The following MIOS variants were observed in gnomAD, a reference collection of about 807,000 sequenced individuals.
The protein encoded by MIOS is meiosis regulator for oocyte development.
A neutral mutation model predicts 96.9 loss-of-function variants in MIOS; 52 were observed. That is an observed-to-expected ratio of 0.54 (90% CI 0.43 to 0.68). MIOS has a LOEUF of 0.68. Ranked by LOEUF, MIOS falls within the 30% of genes least tolerant of loss-of-function variation. The pLI is 0.00. For missense variants in MIOS, 1,005 were observed against 1,052.8 expected (o/e 0.95, Z 0.63); for synonymous variants, 397 against 359.5 (o/e 1.10, Z -1.18).
chr7:7,600,609 A>T (rs1198629277), intron 11 of MIOS, among the ~76,000 whole-genome samples: 2 of 152,146 alleles, frequency 1.3e-5, no homozygotes, highest in Non-Finnish European at 2.9e-5. Flanking sequence ...CTCCCACACA[A>T]TAATAATGGG....
chr7:7,573,512 C>T lies in MIOS; in HGVS notation c.1037C>T (p.Thr346Ile), dbSNP rs777625963. The T allele has an allele frequency of 5.0e-6, 8 of 1,614,008 alleles. No homozygotes were observed. The highest frequency in any genetic ancestry group is 6.8e-6 in the Non-Finnish European group (8 of 1,179,960). Reference sequence around the variant, plus strand: ...ATGATAGTTGTAACTCCCAACCGAACAATGTCAGACTTCACTGTTTTTGAA... The same window carrying T: ...ATGATAGTTGTAACTCCCAACCGAATAATGTCAGACTTCACTGTTTTTGAA... ...NRMIVVTPNRTMSDFTVFERI... is the reference protein window; with the variant it reads ...NRMIVVTPNRIMSDFTVFERI... Residue 346 changes from threonine to isoleucine, a missense_variant, in exon 4 of 13, where the codon ACA becomes ATA. Coordinates refer to ENST00000340080, the MANE Select transcript of MIOS (RefSeq NM_019005.4). The surrounding 1 kb of genome is among the most constrained non-coding windows in gnomAD (Gnocchi z 5.0).
chr7:7,578,185 G>C (rs1368654431), intron 5 of MIOS, among the ~76,000 whole-genome samples: 1 of 152,108 alleles, frequency 6.6e-6, no homozygotes, highest in Non-Finnish European at 1.5e-5. Context: ...GGAACTGAGA[G>C]GCTAGTTTAT....
intron 3 of MIOS, among the ~76,000 whole-genome samples, chr7:7,570,405 A>G (rs1157166601): frequency 6.6e-6 from 1 of 152,084 alleles, no homozygotes; most frequent in East Asian, 1.9e-4. Flanking sequence ...GAATTCCTAA[A>G]TCAGTGGTCC....
chr7:7,596,890 A>G (rs1332681685), intron 11 of MIOS, among the ~76,000 whole-genome samples: 1 of 152,130 alleles, frequency 6.6e-6, no homozygotes, highest in Non-Finnish European at 1.5e-5. Context: ...TTCAAAACCT[A>G]CCTATAAAAT....
Position 7,573,975 on chromosome 7 carries a change from T to C in MIOS, c.1295-123T>C. 1.1e-6 allele frequency: 1 copy of C among 902,648 alleles called. No homozygotes were observed. Among genetic ancestry groups the C allele is most frequent in the Admixed American group, 2.9e-5 (1 of 34,298 alleles). The allele number at this position is 902,648 out of a possible 1,614,324, so 55.9% of individuals were successfully genotyped here. A position where few individuals can be genotyped will look rare whatever the true frequency, so the allele number is the denominator to read the frequency against. On this transcript the variant is annotated intron_variant, in intron 4 of 12. Transcript: ENST00000340080. The surrounding 1 kb of genome is among the most constrained non-coding windows in gnomAD (Gnocchi z 5.0). ...TGTAGGAGGAAGAAAAGTGTATCTC[T>C]GCAATAGAGTCGAACCACCTTATTT...
chr7:7,601,283 G>GTT lies in MIOS; in HGVS notation c.2402-4650_2402-4649dup, dbSNP rs540107163. 4.0e-3 allele frequency among the ~76,000 whole-genome samples: 589 copies of GTT among 148,348 alleles called. 1 individual carries two copies. Among genetic ancestry groups the GTT allele is most frequent in the African/African-American group, 0.014 (546 of 40,438 alleles). On this transcript the variant is annotated intron_variant, in intron 11 of 12. Transcript: ENST00000340080. ...AAAAAATCAATGAATCCAGGAGCTG[G>GTT]TTTTTTTTTTGAAAAGATCAACAAA...
rs775159818 is a variant in MIOS at position 7,573,768 on chromosome 7, C to G, written c.1293C>G (p.His431Gln). The G allele has an allele frequency of 1.9e-6, 3 of 1,564,978 alleles. No individual in the cohort carries two copies. Among genetic ancestry groups the G allele is most frequent in the African/African-American group, 1.4e-5 (1 of 72,792 alleles). Residue 431 changes from histidine (H) to glutamine (Q), a missense_variant and splice_region_variant, in exon 4 of 13, where the codon CAC becomes CAG. His to Gln is a conservative substitution (Grantham distance 24, BLOSUM62 0). Transcript: ENST00000340080. The surrounding 1 kb of genome is among the most constrained non-coding windows in gnomAD (Gnocchi z 5.0). Reference protein sequence around the residue: ...PQLKSLWYTLHFMKQYTEDMD... With the variant: ...PQLKSLWYTLQFMKQYTEDMD... ...TCAAGTCACTCTGGTATACTCTGCA[C>G]TATATCCTTTTCATTGTGAATTTTG...
At chr7:7,601,647 G>T (rs1011819565) in intron 11 of MIOS, among the ~76,000 whole-genome samples, 1 of 152,070 alleles carries the variant, frequency 6.6e-6, no homozygotes, top group Non-Finnish European at 1.5e-5. Flanking sequence ...AGAGGTACAA[G>T]GAGGAGCTGG....
intron 8 of MIOS, 40 bp downstream of exon 8, chr7:7,588,603 T>G (rs1293419131): frequency 7.6e-7 from 1 of 1,311,880 alleles, no homozygotes; most frequent in Non-Finnish European, 1.1e-6. Context: ...GTAATTAATA[T>G]GTACTGTCAC....
chr7:7,589,694 T>A, intron 9 of MIOS, 131 bp downstream of exon 9: 1 of 924,578 alleles, frequency 1.1e-6, no homozygotes, highest in Non-Finnish European at 1.6e-6. Context: ...CCTAATCAGT[T>A]GATCTACTGA....
chr7:7,574,497 A>G (rs1783463947), intron 5 of MIOS, among the ~76,000 whole-genome samples: 1 of 152,070 alleles, frequency 6.6e-6, no homozygotes, highest in African/African-American at 2.4e-5. Context: ...ACACTAGACA[A>G]TTTACAGATT....
intron 7 of MIOS, among the ~76,000 whole-genome samples, chr7:7,587,001 TTTTTTTTG>T (rs982715404): frequency 7.4e-5 from 11 of 148,774 alleles, no homozygotes; most frequent in East Asian, 1.9e-4. Context: ...TTTTTTTTTT[TTTTTTTTG>T]TTGTTGTTGT....
At chr7:7,588,963 G>T (rs1274110567) in intron 8 of MIOS, among the ~76,000 whole-genome samples, 1 of 152,064 alleles carries the variant, frequency 6.6e-6, no homozygotes, top group Non-Finnish European at 1.5e-5. Flanking sequence ...AATGAAAAAT[G>T]CTGGGGAAAG....
At chr7:7,574,060 T>C in intron 4 of MIOS, 38 bp from the exon 5 acceptor site, 1 of 1,420,062 alleles carries the variant, frequency 7.0e-7, no homozygotes, top group Admixed American at 2.0e-5. Flanking sequence ...TGAAATATAT[T>C]GTCATGCATC....
intron 5 of MIOS, among the ~76,000 whole-genome samples, chr7:7,578,606 A>G (rs749819113): frequency 3.1e-4 from 47 of 152,220 alleles, no homozygotes; most frequent in Admixed American, 1.4e-3. Flanking sequence ...TATAAACTGG[A>G]TAATTGTATT....
chr7:7,599,108 C>T (rs1333410825), intron 11 of MIOS, among the ~76,000 whole-genome samples: 1 of 152,070 alleles, frequency 6.6e-6, no homozygotes, highest in South Asian at 2.1e-4. Context: ...TACTGGTCTA[C>T]AATGCCTTAT....
chr7:7,581,777 CAGG>C (rs1343309214), intron 5 of MIOS: 1 of 152,214 alleles, frequency 6.6e-6, no homozygotes, highest in Non-Finnish European at 1.5e-5. Flanking sequence ...AGATCATCAG[CAGG>C]AGATCTGTCT....
In MIOS at chr7:7,572,676, C is replaced by T. The variant is rs1350966670; in HGVS notation, c.201C>T (p.Ala67=). 1.2e-6 allele frequency: 2 copies of T among 1,613,976 alleles called. No individual in the cohort carries two copies. The highest frequency in any genetic ancestry group is 1.6e-4 in the Middle Eastern group (1 of 6,084). ...ATACACCCTATATGAAATGTGTTGC[C>T]TGGTATCTTAATTATGATCCTGAAT... The part of the protein sequence containing the change: ...NSDTPYMKCV[A]WYLNYDPECL... Residue 67 remains alanine (A), a synonymous_variant, in exon 4 of 13, where the codon GCC becomes GCT. Coordinates refer to ENST00000340080, the MANE Select transcript of MIOS (RefSeq NM_019005.4). This position sits in a 1 kb window ranked among gnomAD's most constrained non-coding sequence, Gnocchi z 4.8.
chr7:7,575,587 A>G (rs1034293295), intron 5 of MIOS, among the ~76,000 whole-genome samples: 9 of 152,156 alleles, frequency 5.9e-5, no homozygotes, highest in African/African-American at 1.9e-4. Context: ...AAAGAATTAA[A>G]CACCAAGTTT....
Sources: gnomAD v4.1 joint callset for allele counts (sites outside exome capture counted in the v4.1 genomes callset) on GRCh38, gnomAD v4.1.1 for gene constraint, Gnocchi (gnomAD v3.1) non-coding constraint, MANE v1.5 for transcripts, NCBI Gene and HGNC (gene_info 2026-07-23, HGNC 2026-07-21) for gene names.